Variants in CPXM2 observed in about 807,000 individuals in gnomAD.
CPXM2 encodes carboxypeptidase X, M14 family member 2.
CPXM2 carries 66 observed loss-of-function variants against 86.1 expected under a neutral mutation model. The ratio of observed to expected loss-of-function variants is 0.77; its 90% CI spans 0.63 to 0.94. The LOEUF is 0.94. Ranked by LOEUF, CPXM2 falls within the 40% of genes least tolerant of loss-of-function variation. The probability of loss-of-function intolerance (pLI) is 0.00; values close to 1 mark genes in which losing one functional copy is unlikely to be tolerated. For synonymous variants in CPXM2, 388 were observed against 400.2 expected (o/e 0.97, Z 0.36); for missense variants, 948 against 1,026.3 (o/e 0.92, Z 1.04).
intron 2 of CPXM2, among the ~76,000 whole-genome samples, chr10:123,873,044 T>C (rs1216838006): frequency 6.6e-6 from 1 of 152,144 alleles, no homozygotes; most frequent in Non-Finnish European, 1.5e-5. Flanking sequence ...GATCTATTCT[T>C]TATGAATGGG....
intron 10 of CPXM2, among the ~76,000 whole-genome samples, chr10:123,766,057 G>A (rs186351484): frequency 2.2e-4 from 33 of 152,294 alleles, no homozygotes; most frequent in African/African-American, 7.0e-4. Context: ...ATGTAGAACC[G>A]CTTATAGGAA....
intron 3 of CPXM2, among the ~76,000 whole-genome samples, chr10:123,847,149 C>T (rs770812337): frequency 5.1e-4 from 77 of 152,234 alleles, no homozygotes; most frequent in Non-Finnish European, 3.5e-4. Context: ...GGGTGATAGC[C>T]TCATCTTCCA....
At chr10:123,942,625 C>G (rs754962002), upstream of CPXM2, among the ~76,000 whole-genome samples, 1 of 152,186 alleles carries the variant, frequency 6.6e-6, no homozygotes, top group African/African-American at 2.4e-5. Context: ...AAATCCCCAC[C>G]GCTTTCCAAG....
At chr10:123,818,676 T>A (rs911858446) in intron 4 of CPXM2, among the ~76,000 whole-genome samples, 3 of 152,224 alleles carry the variant, frequency 2.0e-5, no homozygotes, top group Non-Finnish European at 2.9e-5. Context: ...CTCCTGCTCA[T>A]GGAATTCACT....
At chr10:123,925,884 T>A (rs1303248941) in intron 2 of CPXM2, among the ~76,000 whole-genome samples, 1 of 152,246 alleles carries the variant, frequency 6.6e-6, no homozygotes, top group Admixed American at 6.5e-5. Flanking sequence ...ATTGTAATAA[T>A]TTAACATGTC....
At chr10:123,760,408 T>C (rs183774398) in intron 11 of CPXM2, among the ~76,000 whole-genome samples, 16 of 152,304 alleles carry the variant, frequency 1.1e-4, no homozygotes, top group Admixed American at 9.8e-4. Context: ...AAAACCATGA[T>C]GGATTTAGAT....
At chr10:123,823,016 T>A (rs529294840) in intron 4 of CPXM2, among the ~76,000 whole-genome samples, 11 of 152,254 alleles carry the variant, frequency 7.2e-5, no homozygotes, top group African/African-American at 2.4e-4. Flanking sequence ...AGCTATATGG[T>A]AGGGGAATTA....
intron 2 of CPXM2, among the ~76,000 whole-genome samples, chr10:123,900,813 G>C (rs976148452): frequency 1.3e-5 from 2 of 152,108 alleles, no homozygotes; most frequent in Admixed American, 1.3e-4. Flanking sequence ...CATTAACTCA[G>C]GACACAAGTC....
At chr10:123,750,420 C>A in intron 13 of CPXM2, 2 of 980,034 alleles carry the variant, frequency 2.0e-6, no homozygotes, top group Non-Finnish European at 2.4e-6. Context: ...TGAGCCTTTG[C>A]AATTACTGTT....
intron 6 of CPXM2, among the ~76,000 whole-genome samples, chr10:123,786,249 A>G (rs1847051992): frequency 1.3e-5 from 2 of 152,216 alleles, no homozygotes. Flanking sequence ...GAAAGATACA[A>G]TGACCCCAAC....
At chr10:123,780,665 A>G (rs890886840) in intron 6 of CPXM2, among the ~76,000 whole-genome samples, 10 of 152,306 alleles carry the variant, frequency 6.6e-5, no homozygotes, top group Non-Finnish European at 1.5e-4. Flanking sequence ...GAATATCGTG[A>G]CTACACACAC....
At chr10:123,830,719 C>T (rs752393407) in intron 4 of CPXM2, among the ~76,000 whole-genome samples, 1 of 152,082 alleles carries the variant, frequency 6.6e-6, no homozygotes, top group Non-Finnish European at 1.5e-5. Flanking sequence ...TTGGGCAGGA[C>T]TGCTGATTCC....
intron 13 of CPXM2, chr10:123,751,200 T>A: frequency 3.9e-6 from 1 of 255,496 alleles, no homozygotes; most frequent in Non-Finnish European, 6.1e-6. Context: ...GCAGCACCCA[T>A]AAGCCAGAGA....
At chr10:123,780,064 T>TA (rs1846896587) in intron 7 of CPXM2, 103 bp downstream of exon 7, 1 of 741,442 alleles carries the variant, frequency 1.3e-6, no homozygotes, top group East Asian at 2.5e-5. Context: ...TTCAGATCCC[T>TA]AATCATCAAT....
intron 4 of CPXM2, among the ~76,000 whole-genome samples, chr10:123,802,094 G>A (rs1422870168): frequency 6.6e-6 from 1 of 152,206 alleles, no homozygotes. Context: ...TGGTGCCCCA[G>A]GAGAGCAGAG....
rs931714179 is a variant in CPXM2, at chr10:123,757,480, G to T, written c.1778-128C>A. The T allele has an allele frequency of 7.3e-5, 58 of 792,478 alleles. No individual in the cohort carries two copies. In the African/African-American group the frequency reaches 9.4e-4, roughly 13 times the overall value. 49.1% of individuals were successfully genotyped at this position (792,478 alleles called of 1,614,324 possible). On this transcript the variant is annotated intron_variant, in intron 11 of 13. Transcript: ENST00000241305. Reference sequence around the variant, plus strand: ...CCTTGTTTAAACAGGGAGATATGAAGTATCTACTATAGACAAAAATTTGCA... The same window carrying T: ...CCTTGTTTAAACAGGGAGATATGAATTATCTACTATAGACAAAAATTTGCA...
intron 10 of CPXM2, among the ~76,000 whole-genome samples, chr10:123,766,726 T>A (rs368320499): frequency 6.6e-6 from 1 of 152,160 alleles, no homozygotes; most frequent in African/African-American, 2.4e-5. Flanking sequence ...CAGGGGAGAT[T>A]GTTTGGGTTT....
At chr10:123,755,683 A>G (rs899701555) in intron 12 of CPXM2, among the ~76,000 whole-genome samples, 25 of 152,232 alleles carry the variant, frequency 1.6e-4, no homozygotes, top group Non-Finnish European at 4.4e-5. Context: ...AGACCCTTCC[A>G]ATGACTTGTG....
chr10:123,832,569 G>A (rs1400449621), intron 4 of CPXM2, among the ~76,000 whole-genome samples: 1 of 152,176 alleles, frequency 6.6e-6, no homozygotes, highest in African/African-American at 2.4e-5. Flanking sequence ...GCTCACACCT[G>A]TAACCCTAGC....
Sources: gnomAD v4.1 joint callset for allele counts (sites outside exome capture counted in the v4.1 genomes callset) on GRCh38, gnomAD v4.1.1 for gene constraint, MANE v1.5 for transcripts, NCBI Gene and HGNC (gene_info 2026-07-23, HGNC 2026-07-21) for gene names.